Variants in CUL2 observed in about 807,000 individuals in gnomAD.
CUL2 encodes the protein cullin-2.
CUL2 carries 22 observed loss-of-function variants against 110.2 expected under a neutral mutation model. The observed-to-expected ratio is 0.20, with a 90% CI of 0.14 to 0.28. CUL2 has a LOEUF of 0.28. Ranked by LOEUF, CUL2 falls within the 10% of genes least tolerant of loss-of-function variation. The pLI, the probability that CUL2 is intolerant of heterozygous loss-of-function variation, is 1.00. For missense variants in CUL2, 631 were observed against 905.5 expected (o/e 0.70, Z 3.89); for synonymous variants, 279 against 293.2 (o/e 0.95, Z 0.49).
intron 2 of CUL2, among the ~76,000 whole-genome samples, chr10:35,066,277 TA>T (rs1200208282): frequency 4.0e-5 from 6 of 150,380 alleles, no homozygotes; most frequent in Admixed American, 2.0e-4. Flanking sequence ...AAATATATAA[TA>T]AAATTAACAG....
At chr10:35,025,546 T>C (rs1044127948) in intron 16 of CUL2, among the ~76,000 whole-genome samples, 1 of 152,190 alleles carries the variant, frequency 6.6e-6, no homozygotes, top group African/African-American at 2.4e-5. Flanking sequence ...CAGCAACATA[T>C]ATATTTCACC....
upstream of CUL2, among the ~76,000 whole-genome samples, chr10:35,095,450 A>G (rs940706020): frequency 3.3e-5 from 5 of 152,210 alleles, no homozygotes; most frequent in African/African-American, 1.2e-4. Context: ...ATGATTAAAT[A>G]TATTTTTATA....
rs2085482688 is a variant in CUL2, at chr10:35,031,646, T to C, written c.1171-27A>G. 2 of 1,613,088 alleles carry C rather than the reference T, an allele frequency of 1.2e-6. No individual in the cohort carries two copies. Among genetic ancestry groups the C allele is most frequent in the Non-Finnish European group, 1.7e-6 (2 of 1,179,710 alleles). ...TCATGTAGAAATTGATAATAAATCT[T>C]ACAAAGGGTGCTTCTGTATATATCA... On this transcript the variant is annotated intron_variant, in intron 12 of 20. Transcript: ENST00000374749. The surrounding 1 kb of genome is among the most constrained non-coding windows in gnomAD (Gnocchi z 4.4).
At chr10:35,062,821 A>G in intron 3 of CUL2, 139 bp downstream of exon 3, 1 of 593,424 alleles carries the variant, frequency 1.7e-6, no homozygotes, top group Non-Finnish European at 3.0e-6. Context: ...TGGGCAACAG[A>G]GCAAGACCCT....
intron 1 of CUL2, among the ~76,000 whole-genome samples, chr10:35,074,903 T>C (rs992002651): frequency 2.6e-5 from 4 of 152,214 alleles, no homozygotes; most frequent in Non-Finnish European, 5.9e-5. Flanking sequence ...CGCTCTGAAC[T>C]GTAATTACCT....
intron 1 of CUL2, among the ~76,000 whole-genome samples, chr10:35,075,683 C>T (rs990136582): frequency 4.8e-5 from 7 of 145,668 alleles, no homozygotes; most frequent in East Asian, 2.0e-4. Flanking sequence ...CACACACACA[C>T]GCACGCTCCA....
chr10:35,080,359 G>C (rs2086915206), intron 1 of CUL2, among the ~76,000 whole-genome samples: 1 of 152,162 alleles, frequency 6.6e-6, no homozygotes, highest in South Asian at 2.1e-4. Context: ...GTTGCACTAA[G>C]GTTTGACCCA....
At chr10:35,030,076 C>T (rs1357883628) in intron 14 of CUL2, among the ~76,000 whole-genome samples, 1 of 152,206 alleles carries the variant, frequency 6.6e-6, no homozygotes, top group African/African-American at 2.4e-5. Context: ...CAACTTCGAA[C>T]ACCTGGGCTC....
chr10:35,065,837 A>C (rs975174964), intron 2 of CUL2, among the ~76,000 whole-genome samples: 1 of 152,004 alleles, frequency 6.6e-6, no homozygotes, highest in Admixed American at 6.6e-5. Context: ...CCAGCCTGGC[A>C]ACAGAGCGAG....
chr10:35,066,859 A>G (rs1320656596), intron 2 of CUL2, among the ~76,000 whole-genome samples: 3 of 152,208 alleles, frequency 2.0e-5, no homozygotes, highest in Non-Finnish European at 4.4e-5. Context: ...GCTACTACAC[A>G]TAATCTCCAT....
chr10:35,099,264 G>A lies in CUL2; in HGVS notation c.167+1580C>T, dbSNP rs377682451. On this transcript the variant is annotated intron_variant, in intron 2 of 5. Coordinates refer to the CUL2 transcript ENST00000685421. ...AAATTAGCTGGGCATGGTGTTACGC[G>A]CCTGTAGTCCCAGCTACTCGGGAGA... Among the ~76,000 whole-genome samples, 14 of 152,036 alleles carry A rather than the reference G, an allele frequency of 9.2e-5. No individual in the cohort carries two copies. In the East Asian group the frequency reaches 1.7e-3, roughly 19 times the overall value.
At chr10:35,076,636 T>G (rs2086824705) in intron 1 of CUL2, among the ~76,000 whole-genome samples, 1 of 152,194 alleles carries the variant, frequency 6.6e-6, no homozygotes, top group Non-Finnish European at 1.5e-5. Flanking sequence ...CTGGGTGTAT[T>G]TTATACATAT....
chr10:35,091,489 T>C (rs1316876628), upstream of CUL2, among the ~76,000 whole-genome samples: 3 of 152,204 alleles, frequency 2.0e-5, no homozygotes, highest in East Asian at 3.8e-4. Context: ...GTGACCTTTT[T>C]TTCCTCCCAT....
At chr10:35,065,435 A>G (rs1003283871) in intron 2 of CUL2, among the ~76,000 whole-genome samples, 2 of 152,114 alleles carry the variant, frequency 1.3e-5, no homozygotes, top group African/African-American at 4.8e-5. Flanking sequence ...CCTGGCTAAC[A>G]TGGTGAAACC....
At chr10:35,066,764 G>C (rs755325474) in intron 2 of CUL2, among the ~76,000 whole-genome samples, 1 of 152,148 alleles carries the variant, frequency 6.6e-6, no homozygotes, top group Non-Finnish European at 1.5e-5. Context: ...ATTTAGAATA[G>C]GGTCAGGCAG....
In CUL2 at chr10:35,010,078, C is replaced by A; in HGVS notation, c.*233G>T. On this transcript the variant is annotated 3_prime_UTR_variant, in exon 21 of 21. Coordinates refer to ENST00000374749, the MANE Select transcript of CUL2 (RefSeq NM_003591.4). The stretch of plus-strand genomic sequence containing the variant: ...ACCGAATTTCCACTTTTCAGCAATA[C>A]TTCACTCATTCTTTTAATAAAGTTT... The A allele has an allele frequency of 4.1e-6, 1 of 243,892 alleles. No homozygotes were observed. The highest frequency in any genetic ancestry group is 7.6e-6 in the Non-Finnish European group (1 of 132,020). The allele number at this position is 243,892 out of a possible 1,614,324, so 15.1% of individuals were successfully genotyped here.
At chr10:35,026,804 A>G (rs1377284599) in intron 16 of CUL2, among the ~76,000 whole-genome samples, 2 of 152,182 alleles carry the variant, frequency 1.3e-5, no homozygotes, top group African/African-American at 4.8e-5. Flanking sequence ...AGTAAAAAAT[A>G]TATGTTGACT....
chr10:35,101,903 G>T (rs2087383943), intron 1 of CUL2, among the ~76,000 whole-genome samples: 1 of 152,202 alleles, frequency 6.6e-6, no homozygotes, highest in Admixed American at 6.6e-5. Flanking sequence ...CAGGATATCT[G>T]TGTTGTAGCT....
intron 19 of CUL2, among the ~76,000 whole-genome samples, chr10:35,013,123 G>C (rs1189533659): frequency 6.6e-6 from 1 of 152,024 alleles, no homozygotes; most frequent in Non-Finnish European, 1.5e-5. Context: ...GGCGGATCAC[G>C]ATGTCAGGAG....
Sources: allele counts gnomAD v4.1 joint callset (sites outside exome capture counted in the v4.1 genomes callset), GRCh38; gene constraint gnomAD v4.1.1; non-coding constraint Gnocchi (gnomAD v3.1); transcripts MANE v1.5; gene names NCBI Gene and HGNC (gene_info 2026-07-23, HGNC 2026-07-21).